Variants in FAM91A1 observed in about 807,000 individuals in gnomAD.
FAM91A1 encodes the protein family with sequence similarity 91 member A1, also known as protein FAM91A1.
In FAM91A1, 41 loss-of-function variants were observed where a neutral mutation model predicts 113.5. That is an observed-to-expected ratio of 0.36 (90% CI 0.28 to 0.47). The LOEUF (loss-of-function observed/expected upper bound fraction) is 0.47, where lower values mean the gene tolerates loss of function less well. FAM91A1 is among the 20% of genes least tolerant of loss of function. The probability of loss-of-function intolerance (pLI) is 1.00; values close to 1 mark genes in which losing one functional copy is unlikely to be tolerated. For missense variants in FAM91A1, 696 were observed against 1,001.2 expected, an observed-to-expected ratio of 0.70 and a Z score of 4.11; for synonymous variants, 307 against 347.9, an observed-to-expected ratio of 0.88 and a Z score of 1.31.
intron 18 of FAM91A1, among the ~76,000 whole-genome samples, chr8:123,804,792 G>A (rs925702044): frequency 1.1e-4 from 17 of 152,154 alleles, no homozygotes; most frequent in African/African-American, 4.1e-4. Context: ...TCCCCTGTTG[G>A]TGGACATTTT....
intron 8 of FAM91A1, among the ~76,000 whole-genome samples, chr8:123,780,907 ATT>A (rs1378503756): frequency 6.6e-6 from 1 of 151,966 alleles, no homozygotes; most frequent in Non-Finnish European, 1.5e-5. Context: ...CTGGTGCATT[ATT>A]TTTTCATGTT....
intron 18 of FAM91A1, among the ~76,000 whole-genome samples, chr8:123,802,864 C>T (rs1815720625): frequency 6.6e-6 from 1 of 152,138 alleles, no homozygotes; most frequent in South Asian, 2.1e-4. Context: ...ATAAAGTTCC[C>T]ATCTTTTTAA....
Position 123,813,939 on chromosome 8 carries a change from T to C in FAM91A1, c.*1235T>C, listed in dbSNP as rs911171758. The stretch of plus-strand genomic sequence containing the variant: ...TAAAATGTTAGGAAGTTTGGGAATG[T>C]TATAACCTAAACGTTTTTGCTGGTA... On this transcript the variant is annotated 3_prime_UTR_variant, in exon 24 of 24. Coordinates refer to ENST00000334705, the MANE Select transcript of FAM91A1 (RefSeq NM_144963.4). 1.3e-5 allele frequency: 3 copies of C among 228,094 alleles called. No homozygotes were observed. The highest frequency in any genetic ancestry group is 7.2e-5 in the African/African-American group (3 of 41,908). 14.1% of individuals were successfully genotyped at this position (228,094 alleles called of 1,614,324 possible).
intron 23 of FAM91A1, 114 bp from the exon 24 acceptor site, chr8:123,812,405 C>CCGTATCA: frequency 2.9e-6 from 2 of 694,260 alleles, no homozygotes; most frequent in South Asian, 3.7e-5. Flanking sequence ...TCCTGTACTG[C>CCGTATCA]TTTGCAATCC....
chr8:123,802,830 AGT>A (rs1183609363), intron 18 of FAM91A1, among the ~76,000 whole-genome samples: 1 of 152,210 alleles, frequency 6.6e-6, no homozygotes, highest in African/African-American at 2.4e-5. Flanking sequence ...TTTGAACTTT[AGT>A]GTCTTTACCT....
intron 15 of FAM91A1, among the ~76,000 whole-genome samples, chr8:123,794,187 T>G (rs1274964989): frequency 2.6e-5 from 4 of 152,206 alleles, no homozygotes; most frequent in African/African-American, 4.8e-5. Context: ...TGGGATAATT[T>G]TTATGAGTAA....
chr8:123,801,053 A>G (rs568833628), intron 18 of FAM91A1, among the ~76,000 whole-genome samples: 17 of 152,290 alleles, frequency 1.1e-4, no homozygotes, highest in Non-Finnish European at 2.5e-4. Flanking sequence ...TAGGGATGGA[A>G]TTACTGGGTC....
intron 20 of FAM91A1, among the ~76,000 whole-genome samples, chr8:123,807,570 A>T (rs1298446376): frequency 6.6e-6 from 1 of 152,106 alleles, no homozygotes; most frequent in African/African-American, 2.4e-5. Flanking sequence ...GTCAGTATAC[A>T]GTGTGGTGTT....
At chr8:123,771,957 CG>C (rs1256633931) in intron 1 of FAM91A1, among the ~76,000 whole-genome samples, 2 of 152,078 alleles carry the variant, frequency 1.3e-5, no homozygotes, top group African/African-American at 4.8e-5. Flanking sequence ...AGAGTTGACT[CG>C]GGGTAAAATT....
intron 11 of FAM91A1, chr8:123,785,951 G>T: frequency 2.2e-6 from 1 of 463,792 alleles, no homozygotes. Context: ...CTGAGTAGTG[G>T]GGACTATAGG....
At chr8:123,778,498 T>G (rs1438154185) in intron 5 of FAM91A1, among the ~76,000 whole-genome samples, 161 bp from the exon 6 acceptor site, 1 of 152,218 alleles carries the variant, frequency 6.6e-6, no homozygotes, top group Admixed American at 6.5e-5. Context: ...ATGACTTTCT[T>G]CATACAATAT....
chr8:123,791,387 C>A (rs1278715914), intron 15 of FAM91A1, among the ~76,000 whole-genome samples: 1 of 151,740 alleles, frequency 6.6e-6, no homozygotes, highest in Non-Finnish European at 1.5e-5. Context: ...GCTTAGTAGT[C>A]TGGGCTGGGC....
At chr8:123,807,668 A>C (rs1006977134) in intron 20 of FAM91A1, among the ~76,000 whole-genome samples, 1 of 152,090 alleles carries the variant, frequency 6.6e-6, no homozygotes, top group African/African-American at 2.4e-5. Context: ...TGAAAATTGA[A>C]GAGTTAGGTA....
chr8:123,793,631 T>C (rs986941579), intron 15 of FAM91A1, among the ~76,000 whole-genome samples: 1 of 152,172 alleles, frequency 6.6e-6, no homozygotes, highest in African/African-American at 2.4e-5. Context: ...AATTCTTTAC[T>C]TTCTGGCCAA....
chr8:123,800,119 G>C (rs58826471), intron 18 of FAM91A1, among the ~76,000 whole-genome samples: 1 of 151,992 alleles, frequency 6.6e-6, no homozygotes, highest in Non-Finnish European at 1.5e-5. Context: ...TGCTTGCTGC[G>C]TGACCATGAT....
At chr8:123,784,245 C>A (rs1244694001) in intron 8 of FAM91A1, among the ~76,000 whole-genome samples, 1 of 152,110 alleles carries the variant, frequency 6.6e-6, no homozygotes, top group African/African-American at 2.4e-5. Context: ...CTCTGAGTTC[C>A]ATGGTGAATT....
Position 123,798,111 on chromosome 8 carries a change from G to T in FAM91A1, c.1433G>T (p.Arg478Leu). Reference sequence around the variant, plus strand: ...TCAGGTTTTCCTCTGGATCTCTTACGCTGTGAAAGCCTTCTTGGTTTGGAC... The same window carrying T: ...TCAGGTTTTCCTCTGGATCTCTTACTCTGTGAAAGCCTTCTTGGTTTGGAC... ...PNYGFPLDLLRCESLLGLDPA... is the reference protein window; with the variant it reads ...PNYGFPLDLLLCESLLGLDPA... The change falls in exon 16 of 24, where the codon CGC (arginine) becomes CTC (leucine). Residue 478 changes from arginine to leucine, a missense_variant. Transcript: ENST00000334705. 1 of 1,613,224 alleles carries T rather than the reference G, an allele frequency of 6.2e-7. No individual in the cohort carries two copies. The highest frequency in any genetic ancestry group is 8.5e-7 in the Non-Finnish European group (1 of 1,179,752).
intron 18 of FAM91A1, 40 bp downstream of exon 18, chr8:123,799,925 A>G (rs747350279): frequency 6.1e-6 from 9 of 1,486,926 alleles, no homozygotes; most frequent in Non-Finnish European, 8.2e-6. Flanking sequence ...TTTTATTATA[A>G]AGTTGATAAT....
chr8:123,807,736 A>G (rs1332389352), intron 20 of FAM91A1, among the ~76,000 whole-genome samples: 2 of 152,176 alleles, frequency 1.3e-5, no homozygotes, highest in Admixed American at 1.3e-4. Flanking sequence ...GGGAATTAGA[A>G]AACAGTAGTT....
Sources: allele counts gnomAD v4.1 joint callset (sites outside exome capture counted in the v4.1 genomes callset), GRCh38; gene constraint gnomAD v4.1.1; transcripts MANE v1.5; gene names NCBI Gene and HGNC (gene_info 2026-07-23, HGNC 2026-07-21).